Variants in CCDC39 observed in about 807,000 individuals in gnomAD.
CCDC39 encodes coiled-coil domain 39 molecular ruler complex subunit, also known as coiled-coil domain-containing protein 39.
Under a neutral mutation model 121.0 loss-of-function variants are expected in CCDC39, and 113 were observed. The ratio of observed to expected loss-of-function variants is 0.93; its 90% confidence interval spans 0.80 to 1.09. The LOEUF is 1.09. CCDC39 is among the 50% of genes least tolerant of loss of function. CCDC39 has a pLI of 0.00. For missense variants in CCDC39, 1,063 were observed against 1,074.7 expected, an observed-to-expected ratio of 0.99 and a Z score of 0.15; for synonymous variants, 349 against 352.2, an observed-to-expected ratio of 0.99 and a Z score of 0.10.
rs76424115 is a variant in CCDC39 at position 180,654,221 on chromosome 3, C to CAAAAAA, written c.930+535_930+540dup. Among the ~76,000 whole-genome samples the CAAAAAA allele has an allele frequency of 6.2e-4, 28 of 44,806 alleles. 1 individual carries two copies. The highest frequency in any genetic ancestry group is 2.4e-3 in the East Asian group (3 of 1,240). The allele number at this position is 44,806 out of a possible 152,430, so 29.4% of individuals were successfully genotyped here. A position where few individuals can be genotyped will look rare whatever the true frequency, so the allele number is the denominator to read the frequency against. ...GTTAAGAAAACTGGATAGCCACACG[C>CAAAAAA]AAAAAAAAAAAAAAAAAAAAAGAGA... On this transcript the variant is annotated intron_variant, in intron 7 of 19. Transcript: ENST00000476379.
intron 14 of CCDC39, among the ~76,000 whole-genome samples, chr3:180,622,506 C>T (rs1717453983): frequency 6.6e-6 from 1 of 152,060 alleles, no homozygotes; most frequent in Admixed American, 6.6e-5. Context: ...ACGGGAAATG[C>T]CTTCAGCTCT....
chr3:180,659,389 A>G, intron 6 of CCDC39, 63 bp downstream of exon 6: 1 of 1,576,758 alleles, frequency 6.3e-7, no homozygotes, highest in Non-Finnish European at 8.6e-7. Flanking sequence ...ATTTGGAATA[A>G]TGAGTTAAAT....
intron 1 of CCDC39, among the ~76,000 whole-genome samples, chr3:180,677,152 AATAATAATAATAATTTTAT>A (rs1490239715): frequency 7.0e-5 from 8 of 115,012 alleles, no homozygotes; most frequent in African/African-American, 2.4e-4. Context: ...TTATAATAAT[AATAATAATAATAATTTTAT>A]ATATATATAT....
intron 6 of CCDC39, among the ~76,000 whole-genome samples, chr3:180,658,310 C>T (rs1481508939): frequency 1.4e-5 from 2 of 144,212 alleles, no homozygotes; most frequent in Admixed American, 7.0e-5. Context: ...ATTAAGAGAA[C>T]CTCTGCCAGG....
intron 1 of CCDC39, among the ~76,000 whole-genome samples, chr3:180,670,423 A>G (rs573486979): frequency 6.6e-6 from 1 of 152,214 alleles, no homozygotes; most frequent in South Asian, 2.1e-4. Flanking sequence ...AGAAGAAAAG[A>G]AAGGTCTTTA....
chr3:180,659,126 C>G (rs1422681672), intron 6 of CCDC39, among the ~76,000 whole-genome samples: 1 of 152,118 alleles, frequency 6.6e-6, no homozygotes, highest in Non-Finnish European at 1.5e-5. Flanking sequence ...AAATAGCATA[C>G]ACATTAAATC....
intron 13 of CCDC39, among the ~76,000 whole-genome samples, chr3:180,633,728 T>C (rs984325007): frequency 1.3e-5 from 2 of 152,008 alleles, no homozygotes; most frequent in Non-Finnish European, 2.9e-5. Flanking sequence ...AAAAATTAAA[T>C]AGAAAAATAT....
At chr3:180,654,978 C>T in intron 6 of CCDC39, 25 bp from the exon 7 acceptor site, 1 of 1,377,166 alleles carries the variant, frequency 7.3e-7, no homozygotes, top group Non-Finnish European at 9.7e-7. Flanking sequence ...AATATGTTTA[C>T]TTAAATATAT....
chr3:180,662,820 T>C (rs1711775424), intron 2 of CCDC39, among the ~76,000 whole-genome samples: 1 of 152,220 alleles, frequency 6.6e-6, no homozygotes, highest in Non-Finnish European at 1.5e-5. Context: ...ATGAAATACT[T>C]ATCTATATTG....
intron 13 of CCDC39, among the ~76,000 whole-genome samples, chr3:180,632,389 A>G (rs546379935): frequency 9.8e-5 from 15 of 152,288 alleles, no homozygotes; most frequent in African/African-American, 3.6e-4. Flanking sequence ...CTACAAACTC[A>G]TGCAAGTAAG....
At chr3:180,660,352 G>A (rs1477848857) in intron 4 of CCDC39, among the ~76,000 whole-genome samples, 1 of 152,098 alleles carries the variant, frequency 6.6e-6, no homozygotes, top group African/African-American at 2.4e-5. Context: ...AAGGGAATCA[G>A]AGAATCTATG....
chr3:180,625,567 TG>T (rs1325090884), intron 14 of CCDC39, among the ~76,000 whole-genome samples: 1 of 152,164 alleles, frequency 6.6e-6, no homozygotes, highest in Non-Finnish European at 1.5e-5. Context: ...TGCTTTTTCA[TG>T]GTTCCTGTGT....
At chr3:180,654,241 A>AAG (rs200624446) in intron 7 of CCDC39, among the ~76,000 whole-genome samples, 1 of 132,766 alleles carries the variant, frequency 7.5e-6, no homozygotes, top group Non-Finnish European at 1.5e-5. Flanking sequence ...AAAAAAAAAA[A>AAG]AGAGAGAAAG....
intron 1 of CCDC39, among the ~76,000 whole-genome samples, chr3:180,665,866 A>T (rs1475431334): frequency 6.6e-6 from 1 of 151,904 alleles, no homozygotes; most frequent in African/African-American, 2.4e-5. Context: ...ATTTAAAAAT[A>T]ATCTATTATA....
chr3:180,663,736 C>T, intron 2 of CCDC39, 131 bp downstream of exon 2: 1 of 849,636 alleles, frequency 1.2e-6, no homozygotes, highest in Non-Finnish European at 1.8e-6. Flanking sequence ...CTTTCATGTT[C>T]AAGGTTATGT....
chr3:180,668,729 A>T (rs1454255198), intron 1 of CCDC39, among the ~76,000 whole-genome samples: 1 of 152,208 alleles, frequency 6.6e-6, no homozygotes, highest in Non-Finnish European at 1.5e-5. Context: ...ATGCATTCTT[A>T]AAAATTTTTT....
intron 1 of CCDC39, 104 bp from the exon 2 acceptor site, chr3:180,664,090 C>G (rs1576951316): frequency 1.0e-6 from 1 of 998,414 alleles, no homozygotes; most frequent in Non-Finnish European, 1.5e-6. Context: ...TTGTCTTAGT[C>G]AATTTGGACT....
chr3:180,636,719 C>G (rs1717837062), intron 13 of CCDC39, among the ~76,000 whole-genome samples: 1 of 151,810 alleles, frequency 6.6e-6, no homozygotes, highest in African/African-American at 2.4e-5. Context: ...CAACATGGTA[C>G]TGGTACAAAA....
intron 7 of CCDC39, among the ~76,000 whole-genome samples, chr3:180,654,221 CAA>C (rs76424115): frequency 4.9e-4 from 22 of 44,928 alleles, no homozygotes; most frequent in Non-Finnish European, 8.4e-4. Context: ...TAGCCACACG[CAA>C]AAAAAAAAAA....
Sources: allele counts gnomAD v4.1 joint callset (sites outside exome capture counted in the v4.1 genomes callset), GRCh38; gene constraint gnomAD v4.1.1; transcripts MANE v1.5; gene names NCBI Gene and HGNC (gene_info 2026-07-23, HGNC 2026-07-21).